TNMD: variants seen among roughly 807,000 people sequenced by gnomAD.
The protein encoded by TNMD is BRICHOS domain containing 4.
A neutral mutation model predicts 26.9 loss-of-function variants in TNMD; 15 were observed. The observed-to-expected ratio is 0.56, with a 90% CI of 0.37 to 0.86. TNMD has a LOEUF of 0.86. TNMD is among the 40% of genes least tolerant of loss of function. TNMD has a pLI of 0.00. For missense variants in TNMD, 222 were observed against 242.6 expected (o/e 0.92, Z 0.56); for synonymous variants, 73 against 77.0 (o/e 0.95, Z 0.27).
At chrX:100,599,215 G>A (rs933238647) in intron 6 of TNMD, 33 bp downstream of exon 6, 3 of 1,069,445 alleles carry the variant, frequency 2.8e-6, no homozygotes, top group African/African-American at 3.8e-5. Flanking sequence ...CTTGATAGAG[G>A]AGGAAAAAAG....
chrX:100,587,195 T>TTTTA (rs1406298370), intron 2 of TNMD, among the ~76,000 whole-genome samples: 5 of 112,525 alleles, frequency 4.4e-5, no homozygotes, highest in South Asian at 7.4e-4. Context: ...GACCTTGCCT[T>TTTTA]TTTATTGCAA....
At chrX:100,594,115 T>A in intron 3 of TNMD, 80 bp downstream of exon 3, 1 of 1,062,296 alleles carries the variant, frequency 9.4e-7, no homozygotes, top group African/African-American at 1.9e-5. Flanking sequence ...AGCCTCCATC[T>A]AAAATTTGAA....
chrX:100,594,036 G>T lies in TNMD; in HGVS notation c.321+1G>T, dbSNP rs972248454. ...ATTGGAAGTGCACGACTTTAAAAAC[G>T]TAAGTTGGATGTTTTCCTCCTAAGG... On this transcript the variant is annotated splice_donor_variant, in intron 3 of 6. Coordinates refer to ENST00000373031, the MANE Select transcript of TNMD (RefSeq NM_022144.3). LOFTEE classifies it high-confidence loss of function. 8.3e-7 allele frequency: 1 copy of T among 1,207,805 alleles called. No individual in the cohort carries two copies. Among genetic ancestry groups the T allele is most frequent in the Non-Finnish European group, 1.1e-6 (1 of 893,346 alleles).
chrX:100,598,983 A>T, intron 5 of TNMD, 33 bp from the exon 6 acceptor site: 1 of 1,140,321 alleles, frequency 8.8e-7, no homozygotes, highest in Non-Finnish European at 1.2e-6. Context: ...TTTGCAAAGC[A>T]GTTGCATCAC....
intron 5 of TNMD, 75 bp from the exon 6 acceptor site, chrX:100,598,941 T>A (rs2082960633): frequency 1.1e-6 from 1 of 880,121 alleles, no homozygotes; most frequent in Admixed American, 3.3e-5. Flanking sequence ...TATCCCCAGC[T>A]GCTATTCTCC....
chrX:100,596,044 C>A (rs1473911660), intron 4 of TNMD, among the ~76,000 whole-genome samples: 1 of 112,486 alleles, frequency 8.9e-6, no homozygotes, highest in East Asian at 2.8e-4. Context: ...GCAAAGGAGG[C>A]GGGGCACGGT....
chrX:100,598,144 G>A (rs755396999), intron 5 of TNMD, among the ~76,000 whole-genome samples: 1 of 111,774 alleles, frequency 8.9e-6, no homozygotes, highest in African/African-American at 3.3e-5. Context: ...AAAAATAGTT[G>A]AGGGCTTGAT....
intron 2 of TNMD, among the ~76,000 whole-genome samples, chrX:100,587,115 A>C (rs1349989373): frequency 1.8e-5 from 2 of 112,395 alleles, no homozygotes; most frequent in Non-Finnish European, 3.8e-5. Context: ...TGCTATTCCA[A>C]AAGAGTATAT....
intron 4 of TNMD, among the ~76,000 whole-genome samples, chrX:100,595,733 AG>A (rs1440054992): frequency 9.0e-6 from 1 of 110,957 alleles, no homozygotes. Flanking sequence ...AAGAAAAAAA[AG>A]AACGTTCTCC....
intron 2 of TNMD, among the ~76,000 whole-genome samples, chrX:100,591,407 G>A (rs1255110321): frequency 1.8e-5 from 2 of 111,840 alleles, no homozygotes; most frequent in African/African-American, 3.3e-5. Context: ...AGGAAGCTTA[G>A]TAGAGAGCAA....
chrX:100,590,289 A>T (rs1185130428), intron 2 of TNMD, among the ~76,000 whole-genome samples: 1 of 111,990 alleles, frequency 8.9e-6, no homozygotes, highest in Non-Finnish European at 1.9e-5. Context: ...ATGAAGATGG[A>T]GTGAAGAGCA....
At chrX:100,595,504 C>T (rs1278178172) in intron 4 of TNMD, among the ~76,000 whole-genome samples, 1 of 110,254 alleles carries the variant, frequency 9.1e-6, no homozygotes, top group African/African-American at 3.3e-5. Flanking sequence ...TCACTTTTCT[C>T]CCACCCAGCT....
chrX:100,597,568 T>C lies in TNMD; in HGVS notation c.488T>C (p.Ile163Thr). The C allele has an allele frequency of 2.5e-6, 3 of 1,211,423 alleles. No individual in the cohort carries two copies. The highest frequency in any genetic ancestry group is 1.7e-5 in the African/African-American group (1 of 57,838). Residue 163 changes from isoleucine (I) to threonine (T), a missense_variant, in exon 5 of 7, where the codon ATT becomes ACT. Coordinates refer to ENST00000373031, the MANE Select transcript of TNMD (RefSeq NM_022144.3). ...SVIWVPAEKP[I>T]ENRDFLKNSK... is the part of the protein sequence containing the mutation. ...ATTTGGGTCCCAGCAGAAAAGCCTA[T>C]TGAAAACCGAGATTTTCTTAAAAAT... is the stretch of plus-strand genomic sequence containing the variant.
At chrX:100,598,446 T>A (rs1353640495) in intron 5 of TNMD, among the ~76,000 whole-genome samples, 1 of 112,116 alleles carries the variant, frequency 8.9e-6, no homozygotes, top group African/African-American at 3.2e-5. Context: ...AGTCTGTAGT[T>A]TAGTTAATAA....
Position 100,594,040 on chromosome X carries a change from G to A in TNMD, c.321+5G>A. The A allele has an allele frequency of 8.3e-7, 1 of 1,207,343 alleles. No individual in the cohort carries two copies. The highest frequency in any genetic ancestry group is 1.1e-6 in the Non-Finnish European group (1 of 892,970). ...GAAGTGCACGACTTTAAAAACGTAA[G>A]TTGGATGTTTTCCTCCTAAGGCTTT... On this transcript the variant is annotated splice_donor_5th_base_variant and intron_variant, in intron 3 of 6. Transcript: ENST00000373031.
Position 100,599,592 on chromosome X carries a change from C to G in TNMD, c.829C>G (p.Arg277Gly). 5 of 1,210,784 alleles carry G rather than the reference C, an allele frequency of 4.1e-6. No individual in the cohort carries two copies. The highest frequency in any genetic ancestry group is 5.6e-6 in the Non-Finnish European group (5 of 895,122). The change falls in exon 7 of 7, where the codon CGC becomes GGC. Residue 277 changes from arginine (R) to glycine (G), a missense_variant. By Grantham distance (125) the Arg-to-Gly change is moderately radical (BLOSUM62 -2). Coordinates refer to ENST00000373031, the MANE Select transcript of TNMD (RefSeq NM_022144.3). Reference protein sequence around the residue: ...IYCRRGNRYCRRVCEPLLGYY... With the variant: ...IYCRRGNRYCGRVCEPLLGYY... ...CTGCCGTCGAGGCAACCGCTATTGC[C>G]GCCGCGTCTGTGAACCTTTACTAGG...
chrX:100,594,866 A>G (rs1046159169), intron 4 of TNMD, among the ~76,000 whole-genome samples: 11 of 112,192 alleles, frequency 9.8e-5, no homozygotes, highest in Admixed American at 8.5e-4. Context: ...TGGGCTGCTA[A>G]TGGAATAATT....
At chrX:100,589,713 A>G (rs992402451) in intron 2 of TNMD, among the ~76,000 whole-genome samples, 3 of 111,533 alleles carry the variant, frequency 2.7e-5, no homozygotes, top group Admixed American at 9.5e-5. Flanking sequence ...CCAGTGATCA[A>G]CCTGACAGGT....
intron 4 of TNMD, among the ~76,000 whole-genome samples, chrX:100,595,352 T>A (rs1286347233): frequency 9.0e-6 from 1 of 110,919 alleles, no homozygotes; most frequent in Admixed American, 9.6e-5. Flanking sequence ...CCTGACCTCA[T>A]GATCCGCCCG....
Sources: gnomAD v4.1 joint callset for allele counts (sites outside exome capture counted in the v4.1 genomes callset) on GRCh38, gnomAD v4.1.1 for gene constraint, MANE v1.5 for transcripts, NCBI Gene and HGNC (gene_info 2026-07-23, HGNC 2026-07-21) for gene names.